TRIO: variants seen among roughly 807,000 people sequenced by gnomAD.
TRIO encodes the protein trio Rho guanine nucleotide exchange factor.
TRIO carries 58 observed loss-of-function variants against 351.9 expected under a neutral mutation model. That is an observed-to-expected ratio of 0.16 (90% confidence interval 0.13 to 0.21). The LOEUF (loss-of-function observed/expected upper bound fraction) is 0.21, where lower values mean the gene tolerates loss of function less well. TRIO is among the 10% of genes least tolerant of loss of function. TRIO has a pLI of 1.00. For synonymous variants in TRIO, 1,758 were observed against 1,595.7 expected (o/e 1.10, Z -2.42); for missense variants, 3,201 against 4,027.8 (o/e 0.79, Z 5.56).
At chr5:14,231,651 C>T (rs1793436760) in intron 1 of TRIO, among the ~76,000 whole-genome samples, 1 of 151,816 alleles carries the variant, frequency 6.6e-6, no homozygotes, top group African/African-American at 2.4e-5. Context: ...TTTATGAGTT[C>T]ATTTAATAAT....
intron 10 of TRIO, among the ~76,000 whole-genome samples, chr5:14,331,917 GAAAT>G (rs1475817944): frequency 6.6e-6 from 1 of 152,148 alleles, no homozygotes; most frequent in Non-Finnish European, 1.5e-5. Flanking sequence ...TGTAAAAAAA[GAAAT>G]AAAAAATACT....
intron 1 of TRIO, among the ~76,000 whole-genome samples, chr5:14,207,766 TG>T (rs1476751652): frequency 6.6e-6 from 1 of 152,152 alleles, no homozygotes; most frequent in African/African-American, 2.4e-5. Flanking sequence ...ACAAAATATT[TG>T]TAAATCATAT....
intron 1 of TRIO, among the ~76,000 whole-genome samples, chr5:14,206,962 G>T (rs928234118): frequency 2.0e-5 from 3 of 152,108 alleles, no homozygotes; most frequent in African/African-American, 7.2e-5. Flanking sequence ...GTCAAGGGAT[G>T]TATAAAAATG....
intron 33 of TRIO, among the ~76,000 whole-genome samples, chr5:14,407,451 G>A (rs1286557847): frequency 6.6e-6 from 1 of 152,238 alleles, no homozygotes; most frequent in Non-Finnish European, 1.5e-5. Flanking sequence ...GGGAGAAGAT[G>A]CTCCTGTTAT....
chr5:14,335,767 C>G (rs1367530609), intron 10 of TRIO, among the ~76,000 whole-genome samples: 2 of 152,122 alleles, frequency 1.3e-5, no homozygotes, highest in African/African-American at 4.8e-5. Flanking sequence ...GAGTTCGAGA[C>G]CAGCCTGGGC....
chr5:14,159,147 G>T (rs1404417445), intron 1 of TRIO, among the ~76,000 whole-genome samples: 1 of 152,124 alleles, frequency 6.6e-6, no homozygotes, highest in Non-Finnish European at 1.5e-5. Context: ...ATTTGACTCA[G>T]TTTTTTCTAC....
chr5:14,296,999 A>T lies in TRIO; in HGVS notation c.1177-73A>T. Reference sequence around the variant, plus strand: ...AGAAGCCTGTGTTTCAGCAGGTGGCATCTGGGCTTCTTAGAAGGGAGCCTC... The same window carrying T: ...AGAAGCCTGTGTTTCAGCAGGTGGCTTCTGGGCTTCTTAGAAGGGAGCCTC... On this transcript the variant is annotated intron_variant, in intron 6 of 56. Coordinates refer to ENST00000344204, the MANE Select transcript of TRIO (RefSeq NM_007118.4). 3 of 1,398,114 alleles carry T rather than the reference A, an allele frequency of 2.1e-6. No individual in the cohort carries two copies. The South Asian group carries it at 4.0e-5, about 19-fold the overall frequency. The allele number at this position is 1,398,114 out of a possible 1,614,324, so 86.6% of individuals were successfully genotyped here.
intron 9 of TRIO, among the ~76,000 whole-genome samples, chr5:14,323,255 C>T (rs1276893440): frequency 6.6e-6 from 1 of 152,080 alleles, no homozygotes; most frequent in Non-Finnish European, 1.5e-5. Flanking sequence ...GAATTTGAAG[C>T]TGGAGCCCCC....
chr5:14,205,143 C>T (rs572069242), intron 1 of TRIO, among the ~76,000 whole-genome samples: 9 of 152,250 alleles, frequency 5.9e-5, no homozygotes, highest in South Asian at 2.1e-4. Flanking sequence ...AACTATTGCC[C>T]GAAAAATCCA....
intron 1 of TRIO, among the ~76,000 whole-genome samples, chr5:14,255,114 T>G (rs1794958855): frequency 6.6e-6 from 1 of 152,276 alleles, no homozygotes; most frequent in Admixed American, 6.5e-5. Flanking sequence ...TCAACTCATT[T>G]GGTAAAAGGT....
intron 34 of TRIO, among the ~76,000 whole-genome samples, chr5:14,427,751 C>G (rs1358546166): frequency 2.0e-5 from 3 of 152,056 alleles, no homozygotes; most frequent in Non-Finnish European, 4.4e-5. Context: ...AATGACCTGC[C>G]GATGGTCCAG....
intron 1 of TRIO, among the ~76,000 whole-genome samples, chr5:14,184,720 T>C (rs1790001911): frequency 6.6e-6 from 1 of 152,316 alleles, no homozygotes; most frequent in East Asian, 1.9e-4. Flanking sequence ...ACATAGCCTA[T>C]GTAGTTAGTT....
intron 1 of TRIO, among the ~76,000 whole-genome samples, chr5:14,237,178 C>T (rs354289): frequency 0.93 from 140,953 of 152,184 alleles, 65,464 homozygotes; most frequent in East Asian, 0.99. Context: ...GATTTTCTTT[C>T]AGATTTTGAA....
intron 1 of TRIO, among the ~76,000 whole-genome samples, chr5:14,144,638 T>G: frequency 6.7e-6 from 1 of 150,116 alleles, no homozygotes; most frequent in South Asian, 2.1e-4. Context: ...GGCGTGGAGG[T>G]GGAGGCGGTG....
chr5:14,452,267 C>T (rs1392188921), intron 34 of TRIO, among the ~76,000 whole-genome samples: 1 of 152,256 alleles, frequency 6.6e-6, no homozygotes, highest in Non-Finnish European at 1.5e-5. Flanking sequence ...CGCTCTGCTT[C>T]ATCCTGCTTT....
At chr5:14,347,739 T>C (rs565720925) in intron 11 of TRIO, among the ~76,000 whole-genome samples, 1 of 152,322 alleles carries the variant, frequency 6.6e-6, no homozygotes, top group African/African-American at 2.4e-5. Context: ...AGGGAGTTTC[T>C]AGCGTCATGT....
intron 20 of TRIO, among the ~76,000 whole-genome samples, chr5:14,379,822 G>T (rs1327473046): frequency 6.6e-6 from 1 of 152,188 alleles, no homozygotes; most frequent in Admixed American, 6.5e-5. Flanking sequence ...GCTGTTGCAG[G>T]TGGTGCCCCA....
At chr5:14,439,465 T>A (rs1236109761) in intron 34 of TRIO, among the ~76,000 whole-genome samples, 2 of 152,342 alleles carry the variant, frequency 1.3e-5, no homozygotes, top group East Asian at 3.9e-4. Context: ...ACAGCTCTTT[T>A]TTAGTTTTTA....
intron 1 of TRIO, among the ~76,000 whole-genome samples, chr5:14,253,286 C>A (rs1054999259): frequency 6.6e-6 from 1 of 152,204 alleles, no homozygotes; most frequent in Non-Finnish European, 1.5e-5. Context: ...ACATACTTTA[C>A]TAGTACAGAA....
Sources: gnomAD v4.1 joint callset for allele counts (sites outside exome capture counted in the v4.1 genomes callset) on GRCh38, gnomAD v4.1.1 for gene constraint, MANE v1.5 for transcripts, NCBI Gene and HGNC (gene_info 2026-07-23, HGNC 2026-07-21) for gene names.